HIBCH: variants seen among roughly 807,000 people sequenced by gnomAD.
HIBCH encodes 3-hydroxyisobutyryl-CoA hydrolase, mitochondrial.
Under a neutral mutation model 58.2 loss-of-function variants are expected in HIBCH, and 50 were observed. That is an observed-to-expected ratio of 0.86 (90% CI 0.68 to 1.09). HIBCH has a LOEUF of 1.09. Among genes scored for constraint, HIBCH ranks in the 50% least tolerant of loss-of-function variants. The pLI is 0.00. For missense variants in HIBCH, 450 were observed against 449.7 expected, an observed-to-expected ratio of 1.00 and a Z score of -0.01; for synonymous variants, 151 against 146.9, an observed-to-expected ratio of 1.03 and a Z score of -0.20.
At chr2:190,221,727 A>G (rs970680280) in intron 11 of HIBCH, among the ~76,000 whole-genome samples, 7 of 152,078 alleles carry the variant, frequency 4.6e-5, no homozygotes, top group African/African-American at 1.7e-4. Flanking sequence ...CACCCAGCAG[A>G]GAGAGGAGGA....
At chr2:190,203,594 A>G (rs1575689482), downstream of HIBCH, 2 of 152,834 alleles carry the variant, frequency 1.3e-5, no homozygotes, top group South Asian at 4.1e-4. Context: ...AAATATAGAG[A>G]ACAAAAATCC....
intron 11 of HIBCH, among the ~76,000 whole-genome samples, chr2:190,219,117 A>G (rs536220595): frequency 1.3e-5 from 2 of 151,442 alleles, no homozygotes; most frequent in East Asian, 3.9e-4. Flanking sequence ...TCACCTTGGC[A>G]TTCCAGAAGA....
At chr2:190,259,770 T>C (rs968376210) in intron 7 of HIBCH, among the ~76,000 whole-genome samples, 5 of 152,200 alleles carry the variant, frequency 3.3e-5, no homozygotes, top group Non-Finnish European at 7.3e-5. Flanking sequence ...TTTCCATATA[T>C]ATATAAGAGC....
At chr2:190,229,194 T>C (rs1028514092) in intron 11 of HIBCH, among the ~76,000 whole-genome samples, 6 of 152,304 alleles carry the variant, frequency 3.9e-5, no homozygotes, top group African/African-American at 7.2e-5. Context: ...CTCTAACTGT[T>C]TGGAATTCAT....
intron 6 of HIBCH, among the ~76,000 whole-genome samples, chr2:190,262,453 C>A (rs1207230219): frequency 6.6e-6 from 1 of 152,210 alleles, no homozygotes; most frequent in East Asian, 1.9e-4. Context: ...TCAGTTAGAA[C>A]TAGACCTAGA....
At chr2:190,317,022 T>A (rs1276049218) in intron 1 of HIBCH, among the ~76,000 whole-genome samples, 2 of 152,216 alleles carry the variant, frequency 1.3e-5, no homozygotes, top group East Asian at 3.8e-4. Context: ...GCTCAAGTGA[T>A]CCTCCCACCT....
rs1690022929 is a variant in HIBCH, at chr2:190,197,259, A to ACTACTGATTC, written c.*18-7272_*18-7263dup. 6.6e-6 allele frequency among the ~76,000 whole-genome samples: 1 copy of ACTACTGATTC among 152,198 alleles called. No homozygotes were observed. ...ACTTGCCAAACCTTGTTTAGGGTAT[A>ACTACTGATTC]CTACTGATTCCTAAGGTGTCGCATT... On this transcript the variant is annotated intron_variant, in intron 1 of 1. Transcript: ENST00000399855. The surrounding 1 kb of genome is among the most constrained non-coding windows in gnomAD (Gnocchi z 4.0).
intron 11 of HIBCH, among the ~76,000 whole-genome samples, chr2:190,230,205 T>C (rs1686052335): frequency 1.3e-5 from 2 of 152,042 alleles, no homozygotes; most frequent in African/African-American, 2.4e-5. Context: ...CTCTCTTTTC[T>C]ACAACTAAGA....
At position 190,217,323 on chromosome 2, in the gene HIBCH, A is replaced by C. The variant is rs1464670467; in HGVS notation, c.892-4248T>G. Reference sequence around the variant, plus strand: ...ACATGGTGAAACCCTGTCTCCACTAAAACTACAAAAATCAGCTGGGTGTGG... The same window carrying C: ...ACATGGTGAAACCCTGTCTCCACTACAACTACAAAAATCAGCTGGGTGTGG... On this transcript the variant is annotated intron_variant, in intron 11 of 13. Coordinates refer to ENST00000359678, the MANE Select transcript of HIBCH (RefSeq NM_014362.4). This position sits in a 1 kb window ranked among gnomAD's most constrained non-coding sequence, Gnocchi z 4.6. Among the ~76,000 whole-genome samples the C allele has an allele frequency of 6.6e-6, 1 of 152,144 alleles. No individual in the cohort carries two copies. Among genetic ancestry groups the C allele is most frequent in the Admixed American group, 6.5e-5 (1 of 15,274 alleles).
At chr2:190,265,932 T>A (rs1042420029) in intron 6 of HIBCH, among the ~76,000 whole-genome samples, 1 of 152,228 alleles carries the variant, frequency 6.6e-6, no homozygotes, top group African/African-American at 2.4e-5. Flanking sequence ...TTTATCAGTT[T>A]TAATAGTCTA....
intron 7 of HIBCH, among the ~76,000 whole-genome samples, chr2:190,258,512 T>C (rs981493216): frequency 6.6e-6 from 1 of 152,236 alleles, no homozygotes; most frequent in Non-Finnish European, 1.5e-5. Flanking sequence ...TTTGCTGTGA[T>C]TCTAGAAGCG....
Position 190,214,092 on chromosome 2 carries a change from T to C in HIBCH, c.892-1017A>G, listed in dbSNP as rs1313649712. On this transcript the variant is annotated intron_variant, in intron 11 of 13. Transcript: ENST00000359678. The surrounding 1 kb of genome is among the most constrained non-coding windows in gnomAD (Gnocchi z 5.5). ...GAGAAGGGAGACGCACCCCACTTGA[T>C]TTATGTGGCCTGCTCTGGACATCTT... 1.3e-5 allele frequency: 2 copies of C among 151,968 alleles called. No individual in the cohort carries two copies. Among genetic ancestry groups the C allele is most frequent in the African/African-American group, 4.8e-5 (2 of 41,372 alleles). 9.4% of individuals were successfully genotyped at this position (151,968 alleles called of 1,614,324 possible).
intron 1 of HIBCH, among the ~76,000 whole-genome samples, chr2:190,191,029 C>G (rs142383655): frequency 1.9e-4 from 29 of 152,288 alleles, no homozygotes; most frequent in African/African-American, 6.7e-4. Context: ...CCTTTTGAGA[C>G]TAGCTTGTTC....
chr2:190,237,544 TAC>T (rs1268911496), intron 11 of HIBCH, among the ~76,000 whole-genome samples: 1 of 152,310 alleles, frequency 6.6e-6, no homozygotes, highest in East Asian at 1.9e-4. Context: ...GACTCGTGTT[TAC>T]ACTTTTTTGG....
At chr2:190,274,932 C>T (rs535105927) in intron 6 of HIBCH, among the ~76,000 whole-genome samples, 8 of 152,146 alleles carry the variant, frequency 5.3e-5, no homozygotes, top group Non-Finnish European at 1.0e-4. Flanking sequence ...ATTTCTCTTA[C>T]AAAAAGGTAA....
chr2:190,217,431 T>C lies in HIBCH; in HGVS notation c.892-4356A>G, dbSNP rs1055906119. 1.3e-5 allele frequency among the ~76,000 whole-genome samples: 2 copies of C among 151,974 alleles called. No individual in the cohort carries two copies. The highest frequency in any genetic ancestry group is 4.8e-5 in the African/African-American group (2 of 41,350). On this transcript the variant is annotated intron_variant, in intron 11 of 13. Transcript: ENST00000359678. The surrounding 1 kb of genome is among the most constrained non-coding windows in gnomAD (Gnocchi z 4.6). ...CCCAGGAGATGGAGGTTGCAGTGAG[T>C]TGAGATCACACACTGCACTCCAGCC...
At chr2:190,245,108 A>C (rs1686568124) in intron 10 of HIBCH, 140 bp from the exon 11 acceptor site, 1 of 680,470 alleles carries the variant, frequency 1.5e-6, no homozygotes, top group Non-Finnish European at 2.7e-6. Flanking sequence ...GGACGTGAAA[A>C]GAAAGAGAGC....
At chr2:190,309,499 C>T (rs1344082380) in intron 2 of HIBCH, among the ~76,000 whole-genome samples, 2 of 151,952 alleles carry the variant, frequency 1.3e-5, no homozygotes, top group African/African-American at 4.8e-5. Flanking sequence ...TTGCAAGGTA[C>T]CATTACAGTA....
At chr2:190,231,180 G>A (rs1686084752) in intron 11 of HIBCH, among the ~76,000 whole-genome samples, 1 of 152,066 alleles carries the variant, frequency 6.6e-6, no homozygotes. Context: ...AATTAACCTG[G>A]ACTTCTATAT....
Sources: gnomAD v4.1 joint callset for allele counts (sites outside exome capture counted in the v4.1 genomes callset) on GRCh38, gnomAD v4.1.1 for gene constraint, Gnocchi (gnomAD v3.1) non-coding constraint, MANE v1.5 for transcripts, NCBI Gene and HGNC (gene_info 2026-07-23, HGNC 2026-07-21) for gene names.